The following TTC3 variants were observed in gnomAD, a reference collection of about 807,000 sequenced individuals.
TTC3 encodes tetratricopeptide repeat domain 3.
TTC3 carries 180 observed loss-of-function variants against 249.6 expected under a neutral mutation model. The ratio of observed to expected loss-of-function variants is 0.72; its 90% CI spans 0.64 to 0.82. The LOEUF (loss-of-function observed/expected upper bound fraction) is 0.82, where lower values mean the gene tolerates loss of function less well. Among genes scored for constraint, TTC3 ranks in the 40% least tolerant of loss-of-function variants. TTC3 has a pLI of 0.00. For synonymous variants in TTC3, 717 were observed against 805.0 expected (o/e 0.89, Z 1.85); for missense variants, 2,061 against 2,398.4 (o/e 0.86, Z 2.94).
intron 11 of TTC3, among the ~76,000 whole-genome samples, chr21:37,108,725 T>C (rs2075322746): frequency 6.6e-6 from 1 of 152,210 alleles, no homozygotes; most frequent in South Asian, 2.1e-4. Context: ...TGTGCCTGAA[T>C]GTGAAAAATG....
At chr21:37,186,782 G>A (rs909142441) in intron 37 of TTC3, among the ~76,000 whole-genome samples, 6 of 152,170 alleles carry the variant, frequency 3.9e-5, no homozygotes, top group African/African-American at 1.4e-4. Context: ...TAAAAATGGT[G>A]AACTGGAACA....
intron 35 of TTC3, among the ~76,000 whole-genome samples, chr21:37,173,173 C>T (rs1474276745): frequency 6.6e-6 from 1 of 152,134 alleles, no homozygotes; most frequent in Non-Finnish European, 1.5e-5. Flanking sequence ...TACTTAACTT[C>T]TCTGTGCTTT....
At chr21:37,128,474 C>T (rs192251947) in intron 15 of TTC3, among the ~76,000 whole-genome samples, 22 of 152,344 alleles carry the variant, frequency 1.4e-4, no homozygotes, top group African/African-American at 5.3e-4. Flanking sequence ...AATGAACTCT[C>T]TACTCTTGAG....
Position 37,172,583 on chromosome 21 carries a change from AT to A in TTC3, c.4468-10del. On this transcript the variant is annotated splice_polypyrimidine_tract_variant and intron_variant, in intron 34 of 45. Coordinates refer to ENST00000355666, the Ensembl canonical transcript of TTC3. The stretch of plus-strand genomic sequence containing the variant: ...ATGATTTTTAATAGATTGTTTTGTA[AT>A]TCACTTTTAGGGGGAAATTTCACGG... 6.2e-7 allele frequency: 1 copy of A among 1,604,860 alleles called. No individual in the cohort carries two copies. Among genetic ancestry groups the A allele is most frequent in the Non-Finnish European group, 8.5e-7 (1 of 1,177,616 alleles).
At chr21:37,201,982 G>A (rs1451332818) in exon 46 of TTC3, 1 of 160,850 alleles carries the variant, frequency 6.2e-6, no homozygotes, top group East Asian at 1.9e-4. Flanking sequence ...CTCCACAAGA[G>A]AGATGATACT....
intron 32 of TTC3, among the ~76,000 whole-genome samples, chr21:37,164,872 C>G (rs185424421): frequency 3.6e-4 from 54 of 149,948 alleles, no homozygotes; most frequent in African/African-American, 1.1e-3. Context: ...GCCAACTCTT[C>G]TCCTGGAAGT....
At chr21:37,085,410 A>G (rs1420135486) in intron 1 of TTC3, among the ~76,000 whole-genome samples, 1 of 152,220 alleles carries the variant, frequency 6.6e-6, no homozygotes, top group Non-Finnish European at 1.5e-5. Context: ...TAATGATCCT[A>G]ATGAAAGCAG....
rs138277164 is a variant in TTC3, at chr21:37,143,742, G to A, written c.1773-783G>A. Among the ~76,000 whole-genome samples, 984 of 145,228 alleles carry A rather than the reference G, an allele frequency of 6.8e-3. 14 individuals carry two copies. Among genetic ancestry groups the A allele is most frequent in the African/African-American group, 0.024 (920 of 38,488 alleles). ...ATTTGACCCAGCCATCCCATTACTC[G>A]GTATATACCCAAAGGATTATAAATC... On this transcript the variant is annotated intron_variant, in intron 20 of 45. Transcript: ENST00000355666.
chr21:37,201,752 C>T (rs1435702608), exon 46 of TTC3: 1 of 809,450 alleles, frequency 1.2e-6, no homozygotes, highest in Non-Finnish European at 1.9e-6. Context: ...TGAGTGAATA[C>T]TTTGATGATT....
intron 10 of TTC3, among the ~76,000 whole-genome samples, chr21:37,097,358 C>T (rs1485735898): frequency 2.0e-5 from 3 of 152,046 alleles, no homozygotes; most frequent in Non-Finnish European, 4.4e-5. Context: ...TTTGTCCTGC[C>T]TTACTGTAAG....
chr21:37,184,403 C>T (rs986255029), intron 36 of TTC3, among the ~76,000 whole-genome samples: 1 of 150,936 alleles, frequency 6.6e-6, no homozygotes, highest in African/African-American at 2.4e-5. Flanking sequence ...TATTAGATTT[C>T]TTTACCTTTC....
intron 10 of TTC3, among the ~76,000 whole-genome samples, chr21:37,104,310 C>T (rs983671284): frequency 6.6e-6 from 1 of 152,046 alleles, no homozygotes; most frequent in Non-Finnish European, 1.5e-5. Flanking sequence ...CCTTTGAAGG[C>T]CAGGCATGGT....
intron 11 of TTC3, among the ~76,000 whole-genome samples, chr21:37,116,011 A>G (rs1314350658): frequency 2.0e-5 from 3 of 152,170 alleles, no homozygotes; most frequent in African/African-American, 7.2e-5. Flanking sequence ...AATACATTAT[A>G]TCTACTGTTT....
rs2187577 is a variant in TTC3 at position 37,161,039 on chromosome 21, A to G, written c.3096+181A>G. ...TGAAGAAATTCCAGGTTCATATTAT[A>G]TAATAGCAAGTCTTGACACTCGTAT... On this transcript the variant is annotated intron_variant, in intron 30 of 45. Coordinates refer to ENST00000355666, the Ensembl canonical transcript of TTC3. 0.53 allele frequency among the ~76,000 whole-genome samples: 80,735 copies of G among 151,676 alleles called. 22,107 individuals are homozygous for G. The highest frequency in any genetic ancestry group is 0.64 in the African/African-American group (26,354 of 41,352).
intron 18 of TTC3, among the ~76,000 whole-genome samples, chr21:37,137,361 A>G (rs528458115): frequency 3.9e-5 from 6 of 152,206 alleles, no homozygotes; most frequent in African/African-American, 1.4e-4. Flanking sequence ...TTCATGATGC[A>G]TGTGAGAGAT....
At chr21:37,091,197 G>A in intron 6 of TTC3, 96 bp from the exon 7 acceptor site, 5 of 1,335,964 alleles carry the variant, frequency 3.7e-6, no homozygotes, top group Non-Finnish European at 5.2e-6. Context: ...TTTGTAGTAA[G>A]GATCTGAAAT....
At chr21:37,111,897 A>G (rs531049502) in intron 11 of TTC3, among the ~76,000 whole-genome samples, 28 of 152,014 alleles carry the variant, frequency 1.8e-4, no homozygotes, top group African/African-American at 6.5e-4. Flanking sequence ...TAAGAAACTC[A>G]CTCAAAACCG....
chr21:37,130,792 T>C (rs528568082), intron 16 of TTC3, among the ~76,000 whole-genome samples: 65 of 105,124 alleles, frequency 6.2e-4, no homozygotes, highest in African/African-American at 2.8e-3. Flanking sequence ...CATCTCTCTC[T>C]TTTTCTTCTT....
At chr21:37,092,820 T>A (rs568316524) in intron 7 of TTC3, among the ~76,000 whole-genome samples, 4 of 152,310 alleles carry the variant, frequency 2.6e-5, no homozygotes, top group South Asian at 4.1e-4. Flanking sequence ...TTTGCCACTT[T>A]AAAATATCCT....
Sources: allele counts gnomAD v4.1 joint callset (sites outside exome capture counted in the v4.1 genomes callset), GRCh38; gene constraint gnomAD v4.1.1; transcripts MANE v1.5; gene names NCBI Gene and HGNC (gene_info 2026-07-23, HGNC 2026-07-21).